Variants in GBP6 observed in about 807,000 individuals in gnomAD.
GBP6 encodes the protein guanylate binding protein family member 6, also known as guanylate-binding protein 6.
Under a neutral mutation model 61.5 loss-of-function variants are expected in GBP6, and 54 were observed. The observed-to-expected ratio is 0.88, with a 90% CI of 0.71 to 1.10. The LOEUF (loss-of-function observed/expected upper bound fraction) is 1.10. Ranked by LOEUF, GBP6 falls within the 50% of genes least tolerant of loss-of-function variation. The pLI is 0.00. For synonymous variants in GBP6, 255 were observed against 273.7 expected (o/e 0.93, Z 0.67); for missense variants, 748 against 752.8 (o/e 0.99, Z 0.07).
intron 3 of GBP6, among the ~76,000 whole-genome samples, chr1:89,370,619 T>C (rs1483433808): frequency 6.6e-6 from 1 of 152,232 alleles, no homozygotes; most frequent in Non-Finnish European, 1.5e-5. Flanking sequence ...CTATACACTT[T>C]ATTTTTGCCC....
In GBP6 at chr1:89,381,266, C is replaced by CAA. The variant is rs769164915; in HGVS notation, c.872-407_872-406dup. Among the ~76,000 whole-genome samples the CAA allele has an allele frequency of 0.011, 570 of 50,694 alleles. 16 individuals are homozygous for CAA. In the East Asian group the frequency reaches 0.13, roughly 11 times the overall value. The allele number at this position is 50,694 out of a possible 152,430, so 33.3% of individuals were successfully genotyped here. A position where few individuals can be genotyped will look rare whatever the true frequency, so the allele number is the denominator to read the frequency against. On this transcript the variant is annotated intron_variant, in intron 6 of 10. Coordinates refer to ENST00000370456, the MANE Select transcript of GBP6 (RefSeq NM_198460.3). ...CACCACTGCACTCCAGCCTGGGCCT[C>CAA]AAAAAAAAAAAAAAAAAAAAAAGTC...
At chr1:89,382,246 G>A (rs554761319) in intron 7 of GBP6, among the ~76,000 whole-genome samples, 25 of 152,290 alleles carry the variant, frequency 1.6e-4, no homozygotes, top group Non-Finnish European at 3.5e-4. Flanking sequence ...TCATCCCTGA[G>A]CAGTGCACTT....
In GBP6 at chr1:89,388,069, G is replaced by C. The variant is rs143877192; in HGVS notation, c.*2600G>C. ...GGCCAAAGATAGAATTTTTTTTTCT[G>C]TGCTTTATACAGTGACTCAGACAAA... On this transcript the variant is annotated 3_prime_UTR_variant, in exon 11 of 11. Coordinates refer to ENST00000370456, the MANE Select transcript of GBP6 (RefSeq NM_198460.3). Among the ~76,000 whole-genome samples the C allele has an allele frequency of 5.9e-4, 90 of 152,052 alleles. No homozygotes were observed. Among genetic ancestry groups the C allele is most frequent in the African/African-American group, 2.1e-3 (87 of 41,498 alleles).
intron 10 of GBP6, among the ~76,000 whole-genome samples, chr1:89,384,554 T>C (rs747386257): frequency 2.6e-4 from 40 of 152,200 alleles, no homozygotes; most frequent in Admixed American, 7.2e-4. Context: ...TCGAAGCTGC[T>C]GTTTTGGGAG....
chr1:89,381,808 G>A lies in GBP6; in HGVS notation c.986G>A (p.Arg329Lys). The change falls in exon 7 of 11, where the codon AGG (arginine) becomes AAG (lysine). Residue 329 changes from arginine (R) to lysine (K), a missense_variant. Coordinates refer to ENST00000370456, the MANE Select transcript of GBP6 (RefSeq NM_198460.3). ...CGTGAGAACTCAGCGGCCGTGCAGA[G>A]GGCAGCTGACTACTACAGCCAGCAG... ...AQRENSAAVQ[R>K]AADYYSQQMA... 1 of 1,614,072 alleles carries A rather than the reference G, an allele frequency of 6.2e-7. No individual in the cohort carries two copies.
chr1:89,382,669 C>T lies in GBP6; in HGVS notation c.1158C>T (p.Thr386=), dbSNP rs774935804. Residue 386 remains threonine (T), a synonymous_variant, in exon 8 of 11, where the codon ACC becomes ACT. Transcript: ENST00000370456. The part of the protein sequence containing the change: ...NQEFQKKFME[T]TMNKKGDFLL... ...TCTCTACATTTCCCTTGCAGGAAAC[C>T]ACAATGAATAAGAAGGGGGATTTCT... 1 of 1,613,782 alleles carries T rather than the reference C, an allele frequency of 6.2e-7. No individual in the cohort carries two copies. Among genetic ancestry groups the T allele is most frequent in the Non-Finnish European group, 8.5e-7 (1 of 1,179,718 alleles).
chr1:89,371,893 A>G (rs1377770211), intron 3 of GBP6, among the ~76,000 whole-genome samples: 1 of 152,268 alleles, frequency 6.6e-6, no homozygotes, highest in Non-Finnish European at 1.5e-5. Context: ...TGCAGATGAC[A>G]TGATTGTATA....
chr1:89,374,272 T>C lies in GBP6; in HGVS notation c.319-3831T>C, dbSNP rs78188321. On this transcript the variant is annotated intron_variant, in intron 3 of 10. Transcript: ENST00000370456. ...ACATGTACTCTACATTTTCTTTTTC[T>C]GTTCATGCATTGATGGACATTCGGG... Among the ~76,000 whole-genome samples, 3 of 152,330 alleles carry C rather than the reference T, an allele frequency of 2.0e-5. No homozygotes were observed. In the East Asian group the frequency reaches 5.8e-4, roughly 29 times the overall value.
At chr1:89,382,599 G>C (rs1653009657) in intron 7 of GBP6, 65 bp from the exon 8 acceptor site, 1 of 1,346,586 alleles carries the variant, frequency 7.4e-7, no homozygotes, top group South Asian at 1.2e-5. Context: ...TCTACCACCA[G>C]ATTCTTTAGA....
chr1:89,378,465 G>C lies in GBP6; in HGVS notation c.477G>C (p.Arg159Ser), dbSNP rs116171495. The C allele has an allele frequency of 3.1e-6, 5 of 1,614,014 alleles. No homozygotes were observed. In the South Asian group the frequency reaches 4.4e-5, roughly 14 times the overall value. Residue 159 changes from arginine to serine, a missense_variant, in exon 5 of 11, where the codon AGG (arginine) becomes AGC (serine). Arg to Ser is a moderately radical substitution (Grantham distance 110). Transcript: ENST00000370456. ...TAATTAAGGCAAAGTCCTCCCCAAG[G>C]CCTGATGGAGTAGAAGATTCCACAG... ...TELIKAKSSP[R>S]PDGVEDSTEF...
Position 89,378,510 on chromosome 1 carries a change from A to G in GBP6, c.522A>G (p.Pro174=). The G allele has an allele frequency of 6.2e-7, 1 of 1,614,120 alleles. No individual in the cohort carries two copies. Among genetic ancestry groups the G allele is most frequent in the Non-Finnish European group, 8.5e-7 (1 of 1,179,960 alleles). ...EDSTEFVSFF[P]DFLWTVRDFT... The stretch of plus-strand genomic sequence containing the variant: ...CCACAGAGTTTGTGAGTTTCTTCCC[A>G]GACTTTCTTTGGACAGTACGGGATT... The change falls in exon 5 of 11, where the codon CCA becomes CCG. Residue 174 remains proline (P), a synonymous_variant. Transcript: ENST00000370456.
chr1:89,379,918 A>G (rs1339394279), intron 5 of GBP6, among the ~76,000 whole-genome samples: 2 of 152,198 alleles, frequency 1.3e-5, no homozygotes, highest in African/African-American at 4.8e-5. Context: ...TGAAAGGATT[A>G]TTTGAGCTCA....
chr1:89,383,942 C>A, intron 9 of GBP6, 151 bp from the exon 10 acceptor site: 1 of 870,784 alleles, frequency 1.1e-6, no homozygotes, highest in Non-Finnish European at 1.8e-6. Context: ...TTTCCCATCA[C>A]ATTCTCAAAT....
At chr1:89,383,367 T>C (rs532593032) in intron 8 of GBP6, among the ~76,000 whole-genome samples, 38 of 152,198 alleles carry the variant, frequency 2.5e-4, no homozygotes, top group African/African-American at 8.9e-4. Context: ...TGTATAAGCA[T>C]CAGAGATTGG....
In GBP6 at chr1:89,382,787, T is replaced by G. The variant is rs1372064874; in HGVS notation, c.1276T>G (p.Phe426Val). The change falls in exon 8 of 11, where the codon TTC (phenylalanine) becomes GTC (valine). Residue 426 changes from phenylalanine (F) to valine (V), a missense_variant. Phe to Val is a conservative substitution (Grantham distance 50). Coordinates refer to ENST00000370456, the MANE Select transcript of GBP6 (RefSeq NM_198460.3). ...GLMESISAGSFSVPGGHKLYM... is the reference protein window; with the variant it reads ...GLMESISAGSVSVPGGHKLYM... ...AATGGAAAGTATCTCAGCAGGAAGT[T>G]TCTCTGTTCCTGGAGGGCACAAGCT... 6.2e-7 allele frequency: 1 copy of G among 1,614,038 alleles called. No homozygotes were observed. Among genetic ancestry groups the G allele is most frequent in the Non-Finnish European group, 8.5e-7 (1 of 1,179,902 alleles).
chr1:89,382,011 C>T, intron 7 of GBP6, 37 bp downstream of exon 7: 1 of 1,552,418 alleles, frequency 6.4e-7, no homozygotes, highest in Non-Finnish European at 8.7e-7. Context: ...ATCATCCTTC[C>T]CCTTGAAGAA....
At chr1:89,367,949 C>T (rs1652510286) in intron 1 of GBP6, among the ~76,000 whole-genome samples, 1 of 152,182 alleles carries the variant, frequency 6.6e-6, no homozygotes, top group Non-Finnish European at 1.5e-5. Context: ...TTTGAATATG[C>T]CTTTTAAAAA....
chr1:89,371,598 T>C (rs1652643253), intron 3 of GBP6, among the ~76,000 whole-genome samples: 1 of 152,206 alleles, frequency 6.6e-6, no homozygotes, highest in Non-Finnish European at 1.5e-5. Context: ...AAAAGGCCTT[T>C]GACAAAATCC....
At chr1:89,381,189 G>A (rs550849977) in intron 6 of GBP6, among the ~76,000 whole-genome samples, 443 of 149,888 alleles carry the variant, frequency 3.0e-3, no homozygotes, top group Non-Finnish European at 5.7e-3. Context: ...GGAGGCTGAG[G>A]CAGGAGAATC....
Sources: gnomAD v4.1 joint callset for allele counts (sites outside exome capture counted in the v4.1 genomes callset) on GRCh38, gnomAD v4.1.1 for gene constraint, MANE v1.5 for transcripts, NCBI Gene and HGNC (gene_info 2026-07-23, HGNC 2026-07-21) for gene names.